PGRMC1: variants seen among roughly 807,000 people sequenced by gnomAD.
PGRMC1 encodes the protein membrane-associated progesterone receptor component 1.
For missense variants in PGRMC1, 145 were observed against 169.0 expected, an observed-to-expected ratio of 0.86 and a Z score of 0.79; for synonymous variants, 73 against 77.3, an observed-to-expected ratio of 0.94 and a Z score of 0.29.
chrX:119,238,639 A>G (rs1031520080), intron 1 of PGRMC1, among the ~76,000 whole-genome samples: 2 of 112,203 alleles, frequency 1.8e-5, no homozygotes, highest in African/African-American at 3.2e-5. Context: ...TGATTGGGTC[A>G]TGACTAGCTG....
chrX:119,242,057 A>G (rs1227457840), intron 2 of PGRMC1, among the ~76,000 whole-genome samples: 1 of 111,311 alleles, frequency 9.0e-6, no homozygotes, highest in African/African-American at 3.3e-5. Flanking sequence ...CTATGAGACT[A>G]TTATTCCTTC....
chrX:119,238,275 G>A (rs1256617474), intron 1 of PGRMC1, among the ~76,000 whole-genome samples: 5 of 110,938 alleles, frequency 4.5e-5, no homozygotes, highest in Non-Finnish European at 9.5e-5. Context: ...GGCTGGTCTC[G>A]AACTCCTGGG....
intron 2 of PGRMC1, 92 bp downstream of exon 2, chrX:119,240,556 T>C (rs1930794968): frequency 1.3e-6 from 1 of 751,021 alleles, no homozygotes; most frequent in African/African-American, 2.1e-5. Context: ...AGCCTGAAAC[T>C]TGGGTGCATT....
At chrX:119,239,347 G>A (rs1252334014) in intron 1 of PGRMC1, among the ~76,000 whole-genome samples, 1 of 111,882 alleles carries the variant, frequency 8.9e-6, no homozygotes, top group Non-Finnish European at 1.9e-5. Context: ...AGGTGAACAG[G>A]CCATATTGAA....
chrX:119,240,792 G>A (rs1485597186), intron 2 of PGRMC1, among the ~76,000 whole-genome samples: 1 of 111,805 alleles, frequency 8.9e-6, no homozygotes, highest in Admixed American at 9.5e-5. Context: ...GCTACAGAAA[G>A]GGATTTTCAT....
intron 1 of PGRMC1, among the ~76,000 whole-genome samples, chrX:119,237,519 GGC>G (rs1326968475): frequency 5.4e-5 from 6 of 110,630 alleles, no homozygotes; most frequent in Non-Finnish European, 9.5e-5. Context: ...GAGGAATAAA[GGC>G]TGAATATGGT....
chrX:119,236,815 G>A, intron 1 of PGRMC1, 124 bp downstream of exon 1: 1 of 550,761 alleles, frequency 1.8e-6, no homozygotes, highest in Non-Finnish European at 2.8e-6. Flanking sequence ...GGCGAGCTAG[G>A]GTAGGCGGGT....
chrX:119,239,867 AAT>A (rs1930778257), intron 1 of PGRMC1, among the ~76,000 whole-genome samples: 1 of 112,106 alleles, frequency 8.9e-6, no homozygotes, highest in Non-Finnish European at 1.9e-5. Flanking sequence ...AACATATCAG[AAT>A]ATATTCATAA....
At chrX:119,236,974 A>T (rs924908011) in intron 1 of PGRMC1, among the ~76,000 whole-genome samples, 4 of 111,826 alleles carry the variant, frequency 3.6e-5, no homozygotes, top group Non-Finnish European at 5.7e-5. Context: ...TGAGGCGCTT[A>T]AGCCGGGGGT....
intron 2 of PGRMC1, among the ~76,000 whole-genome samples, chrX:119,241,842 C>T (rs1021341521): frequency 3.6e-5 from 4 of 111,737 alleles, no homozygotes; most frequent in African/African-American, 9.9e-5. Context: ...TTCAGATGAT[C>T]GACCCTGCAT....
chrX:119,241,773 T>A (rs775202515), intron 2 of PGRMC1, among the ~76,000 whole-genome samples: 1 of 112,051 alleles, frequency 8.9e-6, no homozygotes, highest in Admixed American at 9.4e-5. Flanking sequence ...GTTAGACAGG[T>A]TGGTTACTCC....
At chrX:119,240,780 T>C (rs192703211) in intron 2 of PGRMC1, among the ~76,000 whole-genome samples, 1 of 111,948 alleles carries the variant, frequency 8.9e-6, no homozygotes, top group East Asian at 2.8e-4. Context: ...GTGTCCATCT[T>C]GGCTACAGAA....
chrX:119,236,754 G>A, intron 1 of PGRMC1, 63 bp downstream of exon 1: 2 of 953,171 alleles, frequency 2.1e-6, no homozygotes, highest in Non-Finnish European at 1.4e-6. Flanking sequence ...GGGCTGGGCG[G>A]GAGAGAGGCG....
Position 119,236,695 on chromosome X carries a change from C to T in PGRMC1, c.328+4C>T. Reference sequence around the variant, plus strand: ...GGCCGCAAATTCTACGGGCCCGGTACGCGGCCGGCGAGGGGGGCTTGGAGA... The same window carrying T: ...GGCCGCAAATTCTACGGGCCCGGTATGCGGCCGGCGAGGGGGGCTTGGAGA... On this transcript the variant is annotated splice_donor_region_variant and intron_variant, in intron 1 of 2. Transcript: ENST00000217971. The T allele has an allele frequency of 8.5e-7, 1 of 1,173,983 alleles. No individual in the cohort carries two copies. Among genetic ancestry groups the T allele is most frequent in the Non-Finnish European group, 1.1e-6 (1 of 875,110 alleles).
intron 1 of PGRMC1, among the ~76,000 whole-genome samples, chrX:119,239,848 T>C (rs1274999701): frequency 8.9e-6 from 1 of 112,173 alleles, no homozygotes; most frequent in Non-Finnish European, 1.9e-5. Flanking sequence ...GATACCTTTG[T>C]TTCATTAAAA....
At chrX:119,241,157 T>C (rs1930809441) in intron 2 of PGRMC1, among the ~76,000 whole-genome samples, 1 of 112,495 alleles carries the variant, frequency 8.9e-6, no homozygotes, top group African/African-American at 3.2e-5. Context: ...AATAAGAGTC[T>C]TTCCCAGCTT....
chrX:119,236,836 G>A lies in PGRMC1; in HGVS notation c.328+145G>A, dbSNP rs368848943. 15 of 501,550 alleles carry A rather than the reference G, an allele frequency of 3.0e-5. No homozygotes were observed. In the South Asian group the frequency reaches 4.6e-4, roughly 15 times the overall value. 41.3% of individuals were successfully genotyped at this position (501,550 alleles called of 1,213,427 possible). On this transcript the variant is annotated intron_variant, in intron 1 of 2. Coordinates refer to ENST00000217971, the MANE Select transcript of PGRMC1 (RefSeq NM_006667.5). The stretch of plus-strand genomic sequence containing the variant: ...CTAGGGTAGGCGGGTAGGCGGGCAG[G>A]CGGAGAGCCGGGAGGCTCCCGGGGC...
intron 2 of PGRMC1, among the ~76,000 whole-genome samples, chrX:119,242,566 A>G (rs1930843340): frequency 9.0e-6 from 1 of 111,230 alleles, no homozygotes; most frequent in Non-Finnish European, 1.9e-5. Context: ...TCCTTCGCTT[A>G]TAAACCTTCA....
In PGRMC1 at chrX:119,236,584, C is replaced by T. The variant is rs749014658; in HGVS notation, c.221C>T (p.Thr74Ile). The T allele has an allele frequency of 4.1e-6, 5 of 1,206,386 alleles. No individual in the cohort carries two copies. Among genetic ancestry groups the T allele is most frequent in the Non-Finnish European group, 4.5e-6 (4 of 893,106 alleles). The change falls in exon 1 of 3, where the codon ACC becomes ATC. Residue 74 changes from threonine to isoleucine, a missense_variant. By Grantham distance (89) the Thr-to-Ile change is moderately conservative (BLOSUM62 -1). Transcript: ENST00000217971. ...PLPRLKRRDF[T>I]PAELRRFDGV... Reference sequence around the variant, plus strand: ...CCCCGCCTCAAGCGGCGCGACTTCACCCCCGCCGAGCTGCGGCGCTTCGAC... The same window carrying T: ...CCCCGCCTCAAGCGGCGCGACTTCATCCCCGCCGAGCTGCGGCGCTTCGAC...
Sources: gnomAD v4.1 joint callset for allele counts (sites outside exome capture counted in the v4.1 genomes callset) on GRCh38, gnomAD v4.1.1 for gene constraint, MANE v1.5 for transcripts, NCBI Gene and HGNC (gene_info 2026-07-23, HGNC 2026-07-21) for gene names.